SEC24B: variants seen among roughly 807,000 people sequenced by gnomAD.
The protein encoded by SEC24B is protein transport protein Sec24B.
SEC24B carries 45 observed loss-of-function variants against 142.8 expected under a neutral mutation model. The observed-to-expected ratio is 0.32, with a 90% CI of 0.25 to 0.40. The LOEUF (loss-of-function observed/expected upper bound fraction) is 0.40. Among genes scored for constraint, SEC24B ranks in the 10% least tolerant of loss-of-function variants. The pLI, the probability that SEC24B is intolerant of heterozygous loss-of-function variation, is 1.00. For missense variants in SEC24B, 1,409 were observed against 1,526.8 expected, an observed-to-expected ratio of 0.92 and a Z score of 1.29; for synonymous variants, 574 against 568.2, an observed-to-expected ratio of 1.01 and a Z score of -0.15.
At chr4:109,480,212 T>TA (rs1733594779) in intron 3 of SEC24B, among the ~76,000 whole-genome samples, 1 of 152,092 alleles carries the variant, frequency 6.6e-6, no homozygotes, top group African/African-American at 2.4e-5. Flanking sequence ...TTATTCTTAA[T>TA]AGTTTTTTTC....
chr4:109,439,125 A>C (rs902891298), intron 1 of SEC24B, among the ~76,000 whole-genome samples: 3 of 152,198 alleles, frequency 2.0e-5, no homozygotes, highest in African/African-American at 4.8e-5. Context: ...CTTTTCCAGA[A>C]TGAAACTACA....
chr4:109,466,433 T>C (rs901699275), intron 2 of SEC24B, among the ~76,000 whole-genome samples: 25 of 152,210 alleles, frequency 1.6e-4, no homozygotes, highest in African/African-American at 5.8e-4. Flanking sequence ...GTTTTTGAGA[T>C]GGAGTCTCGC....
intron 1 of SEC24B, among the ~76,000 whole-genome samples, chr4:109,458,643 AAAT>A (rs1730946093): frequency 6.6e-6 from 1 of 152,244 alleles, no homozygotes; most frequent in Admixed American, 6.5e-5. Flanking sequence ...CAGACATTAA[AAAT>A]AATGATGGAA....
intron 1 of SEC24B, among the ~76,000 whole-genome samples, chr4:109,459,565 TC>T (rs916932070): frequency 6.6e-6 from 1 of 152,182 alleles, no homozygotes; most frequent in African/African-American, 2.4e-5. Flanking sequence ...ATAGTAAGCA[TC>T]CACATATGAT....
rs949150896 is a variant in SEC24B at position 109,521,437 on chromosome 4, G to A, written c.2319G>A (p.Leu773=). The A allele has an allele frequency of 5.6e-6, 9 of 1,613,612 alleles. No homozygotes were observed. Among genetic ancestry groups the A allele is most frequent in the Non-Finnish European group, 7.6e-6 (9 of 1,179,796 alleles). Residue 773 remains leucine (L), a synonymous_variant, in exon 14 of 24, where the codon CTG becomes CTA. Coordinates refer to ENST00000265175, the MANE Select transcript of SEC24B (RefSeq NM_006323.5). ...YESKELIKDL[L]NALPNMFTNT... is the part of the protein sequence containing the mutation. The stretch of plus-strand genomic sequence containing the variant: ...TTTCTCAGCTTATAAAAGACTTACT[G>A]AATGCATTACCAAACATGTTCACCA...
chr4:109,440,476 C>G (rs909581779), intron 1 of SEC24B, among the ~76,000 whole-genome samples: 2 of 152,186 alleles, frequency 1.3e-5, no homozygotes, highest in Non-Finnish European at 2.9e-5. Context: ...GGAGAAGCTA[C>G]TATTTTCAAT....
chr4:109,491,563 G>A (rs758598772), intron 5 of SEC24B, among the ~76,000 whole-genome samples, 156 bp downstream of exon 5: 16 of 152,064 alleles, frequency 1.1e-4, no homozygotes, highest in Non-Finnish European at 1.9e-4. Context: ...ACTTAATAGC[G>A]TTGTCACTAA....
intron 6 of SEC24B, among the ~76,000 whole-genome samples, chr4:109,501,358 G>A (rs1402367379): frequency 1.3e-5 from 2 of 152,180 alleles, no homozygotes; most frequent in Non-Finnish European, 1.5e-5. Flanking sequence ...ATCACCTAAC[G>A]ACACATTTCT....
intron 1 of SEC24B, among the ~76,000 whole-genome samples, chr4:109,455,251 G>T (rs77943388): frequency 0.014 from 2,202 of 151,952 alleles, 18 homozygotes; most frequent in Non-Finnish European, 0.021. Context: ...TGAGATTTAG[G>T]ATTCTTTTTT....
At chr4:109,517,918 G>C (rs6849456) in intron 11 of SEC24B, among the ~76,000 whole-genome samples, 149,086 of 152,212 alleles carry the variant, frequency 0.98, 73,039 homozygotes, top group East Asian at 1. Flanking sequence ...GTTAGGAAGC[G>C]AGAAACTGAG....
intron 1 of SEC24B, among the ~76,000 whole-genome samples, 176 bp downstream of exon 1, chr4:109,434,178 G>T (rs968841780): frequency 6.6e-6 from 1 of 151,356 alleles, no homozygotes; most frequent in African/African-American, 2.4e-5. Flanking sequence ...GCGGGTAGGG[G>T]GCAGGGAAGG....
chr4:109,487,238 G>T (rs377564338), intron 4 of SEC24B, among the ~76,000 whole-genome samples: 1 of 151,738 alleles, frequency 6.6e-6, no homozygotes, highest in Non-Finnish European at 1.5e-5. Flanking sequence ...AAGAGGAAAT[G>T]ATTTTCTGTG....
chr4:109,459,481 C>G (rs1189048164), intron 1 of SEC24B, among the ~76,000 whole-genome samples: 1 of 152,026 alleles, frequency 6.6e-6, no homozygotes, highest in Non-Finnish European at 1.5e-5. Context: ...TTACATTTGT[C>G]TTTATTAACT....
intron 1 of SEC24B, among the ~76,000 whole-genome samples, chr4:109,456,725 T>C (rs983518656): frequency 6.6e-6 from 1 of 152,246 alleles, no homozygotes; most frequent in African/African-American, 2.4e-5. Flanking sequence ...CAGTCAGCCT[T>C]GTATTCCTAA....
intron 5 of SEC24B, among the ~76,000 whole-genome samples, chr4:109,491,960 C>T (rs954242600): frequency 2.0e-5 from 3 of 152,078 alleles, no homozygotes; most frequent in African/African-American, 7.2e-5. Flanking sequence ...TTTTAATATA[C>T]TGTGATTTTT....
Position 109,510,000 on chromosome 4 carries a change from T to G in SEC24B, c.1674-9T>G. ...CTAATATCCTCCATGTTGTTTATGT[T>G]TTTTGCAGTTCATTTCGGTGTACTT... On this transcript the variant is annotated splice_polypyrimidine_tract_variant and intron_variant, in intron 7 of 23. Transcript: ENST00000265175. 6.4e-7 allele frequency: 1 copy of G among 1,565,678 alleles called. No homozygotes were observed. The highest frequency in any genetic ancestry group is 2.3e-5 in the East Asian group (1 of 44,122).
chr4:109,443,199 A>T (rs1347112100), intron 1 of SEC24B, among the ~76,000 whole-genome samples: 5 of 152,140 alleles, frequency 3.3e-5, no homozygotes, highest in African/African-American at 9.7e-5. Flanking sequence ...CAATCTGAAG[A>T]TAAAGTATTA....
At chr4:109,523,413 C>A (rs1269336036) in intron 14 of SEC24B, among the ~76,000 whole-genome samples, 1 of 151,646 alleles carries the variant, frequency 6.6e-6, no homozygotes, top group Non-Finnish European at 1.5e-5. Flanking sequence ...GAGTTTGCAG[C>A]GAGCTGTGAT....
intron 1 of SEC24B, among the ~76,000 whole-genome samples, chr4:109,435,177 G>A (rs2125884486): frequency 6.6e-6 from 1 of 152,326 alleles, no homozygotes; most frequent in South Asian, 2.1e-4. Context: ...AACATGAAGT[G>A]TATCGTTTGT....
Sources: gnomAD v4.1 joint callset for allele counts (sites outside exome capture counted in the v4.1 genomes callset) on GRCh38, gnomAD v4.1.1 for gene constraint, MANE v1.5 for transcripts, NCBI Gene and HGNC (gene_info 2026-07-23, HGNC 2026-07-21) for gene names.